SCFD2: variants seen among roughly 807,000 people sequenced by gnomAD.
SCFD2 encodes sec1 family domain containing 2, also known as sec1 family domain-containing protein 2.
SCFD2 carries 54 observed loss-of-function variants against 58.9 expected under a neutral mutation model. That is an observed-to-expected ratio of 0.92 (90% CI 0.74 to 1.15). The LOEUF (loss-of-function observed/expected upper bound fraction) is 1.15, where lower values mean the gene tolerates loss of function less well. Ranked by LOEUF, SCFD2 falls within the 50% of genes most tolerant of loss-of-function variation. The probability of loss-of-function intolerance (pLI) is 0.00; values close to 1 mark genes in which losing one functional copy is unlikely to be tolerated. For synonymous variants in SCFD2, 321 were observed against 335.9 expected (o/e 0.96, Z 0.49); for missense variants, 805 against 836.6 (o/e 0.96, Z 0.47).
chr4:53,297,426 A>G (rs1367044704), intron 3 of SCFD2, among the ~76,000 whole-genome samples: 2 of 150,258 alleles, frequency 1.3e-5, no homozygotes, highest in African/African-American at 4.9e-5. Context: ...TTCTTAGTTT[A>G]AGGTCTCTTT....
chr4:53,067,711 C>T (rs1723703391), intron 5 of SCFD2, among the ~76,000 whole-genome samples: 1 of 152,062 alleles, frequency 6.6e-6, no homozygotes, highest in Non-Finnish European at 1.5e-5. Flanking sequence ...CCTGAGACCT[C>T]CTCAGCCATG....
intron 4 of SCFD2, among the ~76,000 whole-genome samples, chr4:53,167,383 C>T (rs1727042010): frequency 6.6e-6 from 1 of 152,174 alleles, no homozygotes; most frequent in Admixed American, 6.5e-5. Flanking sequence ...GCACGTGACT[C>T]ATTTATTTGA....
chr4:53,068,266 T>C (rs1723720132), intron 5 of SCFD2, among the ~76,000 whole-genome samples: 1 of 151,974 alleles, frequency 6.6e-6, no homozygotes, highest in Non-Finnish European at 1.5e-5. Context: ...TTCTAAAGAG[T>C]CTGTTTAAAA....
intron 5 of SCFD2, among the ~76,000 whole-genome samples, chr4:52,940,047 C>T (rs1350379773): frequency 6.6e-6 from 1 of 152,270 alleles, no homozygotes; most frequent in East Asian, 1.9e-4. Context: ...GCACCCCCAA[C>T]TCAGGAGGAC....
chr4:53,214,940 T>A (rs1484071316), intron 4 of SCFD2, among the ~76,000 whole-genome samples: 3 of 152,170 alleles, frequency 2.0e-5, no homozygotes, highest in Non-Finnish European at 4.4e-5. Flanking sequence ...TTTTGTCAGG[T>A]TTGTCAAAGA....
At chr4:53,229,988 A>G (rs1217478107) in intron 4 of SCFD2, among the ~76,000 whole-genome samples, 1 of 152,250 alleles carries the variant, frequency 6.6e-6, no homozygotes. Flanking sequence ...TCTCAAAAGA[A>G]GACATTTATG....
At chr4:53,112,329 C>A (rs1282906068) in intron 5 of SCFD2, among the ~76,000 whole-genome samples, 1 of 152,044 alleles carries the variant, frequency 6.6e-6, no homozygotes, top group Non-Finnish European at 1.5e-5. Context: ...AAGACTCTAG[C>A]CTTAATGCAT....
At chr4:53,147,657 T>C (rs1376901984) in intron 4 of SCFD2, among the ~76,000 whole-genome samples, 1 of 152,204 alleles carries the variant, frequency 6.6e-6, no homozygotes, top group Non-Finnish European at 1.5e-5. Context: ...AGGGCTGCCC[T>C]GTAGCTTCAG....
chr4:53,046,584 C>T (rs1463880070), intron 5 of SCFD2, among the ~76,000 whole-genome samples: 4 of 151,722 alleles, frequency 2.6e-5, no homozygotes, highest in African/African-American at 7.3e-5. Context: ...GTAAGATATG[C>T]TCTGGAAAAT....
At chr4:53,105,329 G>A (rs1432676767) in intron 5 of SCFD2, among the ~76,000 whole-genome samples, 4 of 151,528 alleles carry the variant, frequency 2.6e-5, no homozygotes, top group Non-Finnish European at 5.9e-5. Flanking sequence ...GAATACCACC[G>A]AGACAGAGCC....
intron 4 of SCFD2, among the ~76,000 whole-genome samples, chr4:53,271,083 A>G (rs915918269): frequency 2.6e-5 from 4 of 152,174 alleles, no homozygotes; most frequent in African/African-American, 9.7e-5. Flanking sequence ...TAATGAAGAA[A>G]TAAGCTCCTT....
intron 7 of SCFD2, among the ~76,000 whole-genome samples, chr4:52,899,396 C>T (rs1271833564): frequency 6.6e-6 from 1 of 152,144 alleles, no homozygotes; most frequent in Non-Finnish European, 1.5e-5. Flanking sequence ...TTTTATTTCT[C>T]CTTCACTTAT....
intron 5 of SCFD2, among the ~76,000 whole-genome samples, chr4:53,097,810 G>T: frequency 6.6e-6 from 1 of 152,146 alleles, no homozygotes. Context: ...CAAAGGCAAT[G>T]CTTCCAGTTT....
chr4:52,904,007 C>T (rs964549566), intron 7 of SCFD2, among the ~76,000 whole-genome samples: 2 of 152,180 alleles, frequency 1.3e-5, no homozygotes, highest in Non-Finnish European at 2.9e-5. Context: ...ACAACACTCT[C>T]CTGTATTCTT....
chr4:53,186,590 C>A (rs1361839677), intron 4 of SCFD2, among the ~76,000 whole-genome samples: 2 of 151,964 alleles, frequency 1.3e-5, no homozygotes, highest in Non-Finnish European at 2.9e-5. Context: ...TCTGTTTCTG[C>A]AGATGACAGA....
chr4:53,339,237 G>A (rs148290529), intron 2 of SCFD2, among the ~76,000 whole-genome samples: 6 of 151,734 alleles, frequency 4.0e-5, no homozygotes, highest in African/African-American at 1.2e-4. Flanking sequence ...GAGAGTAAAG[G>A]GAAGTTATGG....
intron 2 of SCFD2, among the ~76,000 whole-genome samples, chr4:53,346,102 A>T (rs530262842): frequency 6.5e-4 from 84 of 130,218 alleles, no homozygotes; most frequent in South Asian, 1.3e-3. Context: ...AGTATAATTT[A>T]AAAAAGTTTA....
intron 5 of SCFD2, among the ~76,000 whole-genome samples, chr4:52,977,897 T>A (rs75868485): frequency 2.1e-3 from 316 of 152,302 alleles, no homozygotes; most frequent in African/African-American, 7.2e-3. Flanking sequence ...AAAGAGCCCA[T>A]CCACGTTTTT....
intron 2 of SCFD2, among the ~76,000 whole-genome samples, chr4:53,315,291 T>C (rs1732827470): frequency 6.8e-6 from 1 of 146,442 alleles, no homozygotes; most frequent in African/African-American, 2.5e-5. Flanking sequence ...AAAATCTTGG[T>C]TACAAAACAA....
Sources: allele counts gnomAD v4.1 joint callset (sites outside exome capture counted in the v4.1 genomes callset), GRCh38; gene constraint gnomAD v4.1.1; transcripts MANE v1.5; gene names NCBI Gene and HGNC (gene_info 2026-07-23, HGNC 2026-07-21).